The following CSMD2 variants were observed in gnomAD, a reference collection of about 807,000 sequenced individuals.
CSMD2 encodes CUB and Sushi multiple domains 2.
In CSMD2, 130 loss-of-function variants were observed where a neutral mutation model predicts 398.5. The observed-to-expected ratio is 0.33, with a 90% CI of 0.28 to 0.38. The LOEUF is 0.38. CSMD2 is among the 10% of genes least tolerant of loss of function. The pLI is 1.00. For missense variants in CSMD2, 3,829 were observed against 4,764.9 expected (o/e 0.80, Z 5.78); for synonymous variants, 1,828 against 1,908.5 (o/e 0.96, Z 1.10).
At chr1:33,750,182 G>C (rs774640480) in intron 13 of CSMD2, among the ~76,000 whole-genome samples, 97 of 151,688 alleles carry the variant, frequency 6.4e-4, no homozygotes, top group Non-Finnish European at 1.0e-3. Flanking sequence ...CCTAAATCAT[G>C]GTACAAATTT....
intron 44 of CSMD2, among the ~76,000 whole-genome samples, chr1:33,593,442 G>C (rs886933116): frequency 6.6e-6 from 1 of 152,218 alleles, no homozygotes; most frequent in Non-Finnish European, 1.5e-5. Flanking sequence ...TGGCTGGGGA[G>C]GCCTCATAAT....
At chr1:33,560,979 T>C (rs1658486875) in intron 53 of CSMD2, among the ~76,000 whole-genome samples, 1 of 152,202 alleles carries the variant, frequency 6.6e-6, no homozygotes, top group Non-Finnish European at 1.5e-5. Flanking sequence ...TCTCATGGAG[T>C]TGAACTCCCA....
chr1:33,692,299 GA>G (rs1279153320), intron 25 of CSMD2, among the ~76,000 whole-genome samples: 1 of 152,132 alleles, frequency 6.6e-6, no homozygotes, highest in South Asian at 2.1e-4. Context: ...ATCTTTTGAA[GA>G]AGTACATACC....
At chr1:33,784,850 T>C (rs1486834458) in intron 12 of CSMD2, among the ~76,000 whole-genome samples, 1 of 152,180 alleles carries the variant, frequency 6.6e-6, no homozygotes, top group Non-Finnish European at 1.5e-5. Flanking sequence ...AACAACGCTC[T>C]CAGATTGGCA....
At chr1:33,520,411 G>A (rs1654158379) in intron 68 of CSMD2, among the ~76,000 whole-genome samples, 1 of 152,170 alleles carries the variant, frequency 6.6e-6, no homozygotes, top group African/African-American at 2.4e-5. Context: ...ACCCTCCCCT[G>A]CAGACTGGGA....
Position 34,093,633 on chromosome 1 carries a change from C to T in CSMD2, c.188-4440G>A, listed in dbSNP as rs898706445. Among the ~76,000 whole-genome samples, 46 of 151,478 alleles carry T rather than the reference C, an allele frequency of 3.0e-4. 1 individual carries two copies. Among genetic ancestry groups the T allele is most frequent in the African/African-American group, 8.5e-4 (35 of 41,254 alleles). On this transcript the variant is annotated intron_variant, in intron 1 of 70. Coordinates refer to ENST00000373381, the MANE Select transcript of CSMD2 (RefSeq NM_001281956.2). ...AATGCAGAAGCCTCAGGAGCCGATG[C>T]GATCAACTGGAAGAAAGGGTATCAG... is the stretch of plus-strand genomic sequence containing the variant.
intron 3 of CSMD2, among the ~76,000 whole-genome samples, chr1:33,955,917 G>C (rs868867379): frequency 6.6e-6 from 1 of 152,056 alleles, no homozygotes; most frequent in African/African-American, 2.4e-5. Context: ...TCCTATGGTG[G>C]CCACACCAGT....
rs1038639544 is a variant in CSMD2 at position 34,123,818 on chromosome 1, C to CA, written c.188-34626dup. 1.7e-3 allele frequency among the ~76,000 whole-genome samples: 258 copies of CA among 150,946 alleles called. 1 individual carries two copies. The highest frequency in any genetic ancestry group is 6.1e-3 in the African/African-American group (248 of 40,530). ...GCTGTGTGAGAGCAGGAAAAAAAAACAACAACATGGCTTAAGAGAGCTTTT... is the reference window on the plus strand; with the variant it reads ...GCTGTGTGAGAGCAGGAAAAAAAAACAAACAACATGGCTTAAGAGAGCTTTT... On this transcript the variant is annotated intron_variant, in intron 1 of 70. Transcript: ENST00000373381.
intron 2 of CSMD2, among the ~76,000 whole-genome samples, chr1:34,070,266 T>C (rs1388102885): frequency 6.6e-6 from 1 of 152,168 alleles, no homozygotes; most frequent in Non-Finnish European, 1.5e-5. Flanking sequence ...ATTCCAAACA[T>C]GGAAGGAGAC....
chr1:34,133,738 G>A (rs1638403131), intron 1 of CSMD2, among the ~76,000 whole-genome samples: 1 of 151,928 alleles, frequency 6.6e-6, no homozygotes, highest in African/African-American at 2.4e-5. Flanking sequence ...TTGCTACTTA[G>A]TCAAAGAGAG....
chr1:34,007,228 G>T (rs1239435879), intron 3 of CSMD2, among the ~76,000 whole-genome samples: 1 of 152,118 alleles, frequency 6.6e-6, no homozygotes, highest in Non-Finnish European at 1.5e-5. Context: ...TCATGGAAGT[G>T]ACCTCAGCCT....
chr1:34,073,520 G>A (rs1439406575), intron 2 of CSMD2, among the ~76,000 whole-genome samples: 3 of 152,184 alleles, frequency 2.0e-5, no homozygotes, highest in African/African-American at 7.2e-5. Flanking sequence ...GAGTGAGGCT[G>A]GGACAAGGGC....
intron 11 of CSMD2, among the ~76,000 whole-genome samples, chr1:33,791,477 C>T (rs964868326): frequency 3.3e-5 from 5 of 152,014 alleles, no homozygotes; most frequent in Non-Finnish European, 5.9e-5. Context: ...TGAGCAGAAG[C>T]ATTTCCTGAC....
At chr1:33,702,972 T>G (rs998851794) in intron 22 of CSMD2, among the ~76,000 whole-genome samples, 4 of 152,184 alleles carry the variant, frequency 2.6e-5, no homozygotes, top group African/African-American at 9.6e-5. Context: ...AATCAGTCTT[T>G]ATCACATATA....
chr1:34,100,714 A>G (rs112070917), intron 1 of CSMD2, among the ~76,000 whole-genome samples: 18 of 152,334 alleles, frequency 1.2e-4, no homozygotes, highest in African/African-American at 3.8e-4. Flanking sequence ...TTAGTTAGCC[A>G]TTCTCCTATT....
chr1:33,761,602 C>G (rs1462731923), intron 13 of CSMD2, among the ~76,000 whole-genome samples: 1 of 152,140 alleles, frequency 6.6e-6, no homozygotes, highest in Non-Finnish European at 1.5e-5. Context: ...GTCCCTGGGT[C>G]TTTGAGGCAC....
At chr1:34,114,224 C>T (rs1185555115) in intron 1 of CSMD2, among the ~76,000 whole-genome samples, 1 of 152,072 alleles carries the variant, frequency 6.6e-6, no homozygotes, top group Non-Finnish European at 1.5e-5. Context: ...CCAAGGAAAG[C>T]CCCCAGAACC....
chr1:33,765,899 C>G (rs766521076), intron 13 of CSMD2, among the ~76,000 whole-genome samples: 3 of 152,194 alleles, frequency 2.0e-5, no homozygotes, highest in Non-Finnish European at 4.4e-5. Flanking sequence ...AGCAAATGCC[C>G]CATGTCCCTC....
At position 33,652,379 on chromosome 1, in the gene CSMD2, C is replaced by T. The variant is rs779599603; in HGVS notation, c.4530G>A (p.Glu1510=). The change falls in exon 28 of 71, where the codon GAG becomes GAA. Residue 1510 remains glutamate (E), a synonymous_variant. Transcript: ENST00000373381. The part of the protein sequence containing the change: ...NYPEPYPPGK[E]CDWKVTVSPD... The stretch of plus-strand genomic sequence containing the variant: ...GTGAGACGGTCACTTTCCAGTCACA[C>T]TCCTTGCCTGGCGGGTAGGGTTCTG... 1 of 1,614,184 alleles carries T rather than the reference C, an allele frequency of 6.2e-7. No individual in the cohort carries two copies. The highest frequency in any genetic ancestry group is 1.1e-5 in the South Asian group (1 of 91,086).
Sources: gnomAD v4.1 joint callset for allele counts (sites outside exome capture counted in the v4.1 genomes callset) on GRCh38, gnomAD v4.1.1 for gene constraint, MANE v1.5 for transcripts, NCBI Gene and HGNC (gene_info 2026-07-23, HGNC 2026-07-21) for gene names.